The following LRTM3 variants were observed in gnomAD, a reference collection of about 807,000 sequenced individuals.
LRTM3 encodes leucine-rich repeat transmembrane protein 3.
the LRTM3 span, chr13:102,746,288 A>T: frequency 1.1e-5 from 17 of 1,550,850 alleles, no homozygotes; most frequent in Non-Finnish European, 1.5e-5. Flanking sequence ...TTCTAATAAA[A>T]CTTTATGTTC....
At chr13:102,743,589 A>G in the LRTM3 span, 2 of 1,550,312 alleles carry the variant, frequency 1.3e-6, no homozygotes, top group Non-Finnish European at 1.7e-6. Flanking sequence ...TTAGAGTCAG[A>G]TAAAACAGGC....
the LRTM3 span, chr13:102,741,096 G>A: frequency 6.5e-7 from 1 of 1,549,964 alleles, no homozygotes; most frequent in Non-Finnish European, 8.7e-7. Flanking sequence ...TAAAGTTGAT[G>A]CAATATGCAA....
At chr13:102,741,549 T>C in the LRTM3 span, 1 of 1,550,266 alleles carries the variant, frequency 6.5e-7, no homozygotes, top group Non-Finnish European at 8.7e-7. Flanking sequence ...TCAGTTACCT[T>C]TCCTGTGTTT....
chr13:102,749,845 T>C, the LRTM3 span: 2 of 1,551,292 alleles, frequency 1.3e-6, no homozygotes, highest in East Asian at 2.4e-5. Context: ...CAACAGAAGG[T>C]TGATTCTGAT....
the LRTM3 span, chr13:102,729,637 T>C: frequency 6.5e-7 from 1 of 1,550,102 alleles, no homozygotes; most frequent in African/African-American, 1.4e-5. Context: ...AGTCTGCCGG[T>C]ACACAGGCAA....
chr13:102,731,553 G>A, the LRTM3 span: 1 of 1,551,420 alleles, frequency 6.4e-7, no homozygotes, highest in Non-Finnish European at 8.7e-7. Context: ...GGAAAAGGTG[G>A]TGACTTCAAG....
At chr13:102,746,780 T>A in the LRTM3 span, 1 of 1,551,286 alleles carries the variant, frequency 6.4e-7, no homozygotes, top group Non-Finnish European at 8.7e-7. Context: ...ATCACTTCCA[T>A]TACTTGGAAT....
the LRTM3 span, chr13:102,736,686 C>T: frequency 1.9e-6 from 3 of 1,550,572 alleles, no homozygotes; most frequent in East Asian, 2.4e-5. Context: ...CTGATGTTCA[C>T]CTGCAGTTCC....
chr13:102,748,139 G>GCTATGTGTTTCT, the LRTM3 span: 11 of 1,550,978 alleles, frequency 7.1e-6, no homozygotes, highest in East Asian at 4.9e-5. Flanking sequence ...TTCTGTATCA[G>GCTATGTGTTTCT]GTAGTTGAGA....
At chr13:102,744,819 C>T in the LRTM3 span, 1 of 1,550,724 alleles carries the variant, frequency 6.4e-7, no homozygotes, top group South Asian at 1.2e-5. Flanking sequence ...TTCTGTGCCT[C>T]CCCACCATGT....
chr13:102,758,821 C>A, the LRTM3 span: 20 of 1,549,712 alleles, frequency 1.3e-5, no homozygotes, highest in South Asian at 2.4e-4. Flanking sequence ...AAAATTGCCA[C>A]CCAATCATTT....
chr13:102,755,465 C>T, the LRTM3 span, among the ~76,000 whole-genome samples: 1 of 152,068 alleles, frequency 6.6e-6, no homozygotes, highest in Non-Finnish European at 1.5e-5. Flanking sequence ...TAATGCCATG[C>T]AACCATAAAA....
At chr13:102,745,876 T>G in the LRTM3 span, 6 of 1,551,184 alleles carry the variant, frequency 3.9e-6, no homozygotes, top group East Asian at 1.5e-4. Context: ...AAATAGTTTG[T>G]GTAAAATGTG....
At chr13:102,749,269 A>G in the LRTM3 span, 1 of 1,550,618 alleles carries the variant, frequency 6.4e-7, no homozygotes, top group African/African-American at 1.4e-5. Context: ...TTTTTCTTCT[A>G]TTTTTCTGCC....
At chr13:102,736,684 C>T in the LRTM3 span, 1 of 1,550,592 alleles carries the variant, frequency 6.4e-7, no homozygotes, top group Non-Finnish European at 8.7e-7. Context: ...GACTGATGTT[C>T]ACCTGCAGTT....
the LRTM3 span, chr13:102,741,826 A>T: frequency 6.5e-7 from 1 of 1,550,240 alleles, no homozygotes; most frequent in African/African-American, 1.4e-5. Flanking sequence ...CAAGTTCTTC[A>T]TCTGTTCTAA....
the LRTM3 span, chr13:102,736,097 T>C: frequency 5.2e-6 from 8 of 1,541,838 alleles, no homozygotes; most frequent in East Asian, 7.4e-5. Flanking sequence ...TATTACTTTA[T>C]GTGAGCTAAT....
chr13:102,742,711 T>C, the LRTM3 span: 4 of 1,550,658 alleles, frequency 2.6e-6, no homozygotes, highest in South Asian at 1.2e-5. Context: ...AAGGTCTACC[T>C]TGGGGACTTG....
the LRTM3 span, among the ~76,000 whole-genome samples, chr13:102,757,981 G>A: frequency 1.4e-4 from 21 of 152,172 alleles, no homozygotes; most frequent in Non-Finnish European, 2.9e-4. Context: ...TCCCTAGCAC[G>A]GAGATAACTT....
Sources: allele counts gnomAD v4.1 joint callset (sites outside exome capture counted in the v4.1 genomes callset), GRCh38; gene constraint gnomAD v4.1.1; transcripts MANE v1.5; gene names NCBI Gene and HGNC (gene_info 2026-07-23, HGNC 2026-07-21).